TNIP3: variants seen among roughly 807,000 people sequenced by gnomAD.
TNIP3 encodes the protein TNFAIP3 interacting protein 3.
A neutral mutation model predicts 54.1 loss-of-function variants in TNIP3; 34 were observed. The observed-to-expected ratio is 0.63, with a 90% CI of 0.48 to 0.84. The LOEUF (loss-of-function observed/expected upper bound fraction) is 0.84. Among genes scored for constraint, TNIP3 ranks in the 40% least tolerant of loss-of-function variants. The pLI, the probability that TNIP3 is intolerant of heterozygous loss-of-function variation, is 0.00. For missense variants in TNIP3, 366 were observed against 387.6 expected, an observed-to-expected ratio of 0.94 and a Z score of 0.47; for synonymous variants, 134 against 136.8, an observed-to-expected ratio of 0.98 and a Z score of 0.14.
chr4:121,178,506 C>T (rs1166029511), intron 3 of TNIP3, among the ~76,000 whole-genome samples: 1 of 152,194 alleles, frequency 6.6e-6, no homozygotes, highest in African/African-American at 2.4e-5. Flanking sequence ...ATTGAGCACA[C>T]TTGGCACAGT....
At chr4:121,178,414 T>C (rs939731845) in intron 3 of TNIP3, among the ~76,000 whole-genome samples, 3 of 152,202 alleles carry the variant, frequency 2.0e-5, no homozygotes, top group Non-Finnish European at 4.4e-5. Context: ...AAGCTAAAGT[T>C]GGAAAAGAAG....
chr4:121,151,671 A>G (rs918092889), intron 5 of TNIP3, among the ~76,000 whole-genome samples: 2 of 152,094 alleles, frequency 1.3e-5, no homozygotes, highest in Non-Finnish European at 2.9e-5. Context: ...GCAATGGAAT[A>G]TGCTGGTTCC....
chr4:121,189,720 G>C (rs1725201703), intron 2 of TNIP3, among the ~76,000 whole-genome samples: 1 of 152,126 alleles, frequency 6.6e-6, no homozygotes, highest in Admixed American at 6.6e-5. Context: ...TTTTACCCAA[G>C]GCTATGTAAT....
chr4:121,139,348 G>A (rs1728975853), intron 9 of TNIP3, among the ~76,000 whole-genome samples: 1 of 152,126 alleles, frequency 6.6e-6, no homozygotes, highest in Admixed American at 6.6e-5. Flanking sequence ...AAATTGCATT[G>A]AATAAATAGT....
rs1272102462 is a variant in TNIP3 at position 121,197,567 on chromosome 4, C to T, written c.69-14771G>A. Among the ~76,000 whole-genome samples, 3 of 150,028 alleles carry T rather than the reference C, an allele frequency of 2.0e-5. No individual in the cohort carries two copies. In the East Asian group the frequency reaches 5.8e-4, roughly 29 times the overall value. On this transcript the variant is annotated intron_variant, in intron 2 of 12. Transcript: ENST00000507879. ...AAAAAAAAGAACACCTAAGTTCAAG[C>T]TAAAATACACATTTGAAGTATTTAA...
chr4:121,152,610 T>C (rs987820016), intron 5 of TNIP3, among the ~76,000 whole-genome samples: 2 of 152,172 alleles, frequency 1.3e-5, no homozygotes, highest in Non-Finnish European at 2.9e-5. Flanking sequence ...CTGAGCAAAG[T>C]CCTGTTCTAA....
chr4:121,167,041 C>G (rs1022486274), upstream of TNIP3, among the ~76,000 whole-genome samples: 9 of 152,038 alleles, frequency 5.9e-5, no homozygotes, highest in Non-Finnish European at 1.3e-4. Context: ...GGGTTGCTAT[C>G]TGAGCTTATA....
chr4:121,185,799 C>A (rs769505568), intron 2 of TNIP3, among the ~76,000 whole-genome samples: 2 of 152,216 alleles, frequency 1.3e-5, no homozygotes, highest in Non-Finnish European at 2.9e-5. Context: ...GCCCTCATGG[C>A]TGCCTTGTTC....
chr4:121,154,693 CAAGAAAAGAA>C lies in TNIP3; in HGVS notation c.364-24_364-15del. The C allele has an allele frequency of 6.3e-7, 1 of 1,589,116 alleles. No homozygotes were observed. Among genetic ancestry groups the C allele is most frequent in the Non-Finnish European group, 8.5e-7 (1 of 1,170,730 alleles). On this transcript the variant is annotated splice_polypyrimidine_tract_variant and intron_variant, in intron 4 of 10. Transcript: ENST00000057513. ...TTCCTTTTCCTTCTGAAGTTAAGAC[CAAGAAAAGAA>C]AATAAAAGTCAGTACAAGTCAAATG...
upstream of TNIP3, among the ~76,000 whole-genome samples, chr4:121,220,531 G>T (rs142481362): frequency 2.2e-3 from 336 of 151,860 alleles, no homozygotes; most frequent in Non-Finnish European, 4.1e-3. Flanking sequence ...ATTCAAATTT[G>T]GTAACTTAAC....
chr4:121,219,594 A>G (rs1332408899), upstream of TNIP3, among the ~76,000 whole-genome samples: 1 of 152,198 alleles, frequency 6.6e-6, no homozygotes, highest in Admixed American at 6.5e-5. Context: ...ACAGCTTTTA[A>G]TATACTTGGA....
chr4:121,191,983 T>G (rs900702394), intron 2 of TNIP3, among the ~76,000 whole-genome samples: 5 of 152,236 alleles, frequency 3.3e-5, no homozygotes, highest in Non-Finnish European at 7.3e-5. Flanking sequence ...ATACCATATA[T>G]TTAAGAGCTG....
intron 2 of TNIP3, among the ~76,000 whole-genome samples, chr4:121,215,966 C>T (rs13104875): frequency 0.33 from 49,466 of 151,320 alleles, 10,152 homozygotes; most frequent in African/African-American, 0.59. Context: ...ATGTGGAAAG[C>T]GCCTAAGTAA....
At chr4:121,170,128 C>G (rs917562150) in intron 3 of TNIP3, among the ~76,000 whole-genome samples, 2 of 152,190 alleles carry the variant, frequency 1.3e-5, no homozygotes, top group Non-Finnish European at 2.9e-5. Flanking sequence ...TTTATGATCT[C>G]ATGGTGCTTT....
chr4:121,142,720 A>G lies in TNIP3; in HGVS notation c.786+6T>C. ...AAATGTATGCGTGAAAATTAGATCAACATACCTGTTTTAATTGCTTTTCTA... is the reference window on the plus strand; with the variant it reads ...AAATGTATGCGTGAAAATTAGATCAGCATACCTGTTTTAATTGCTTTTCTA... On this transcript the variant is annotated splice_donor_region_variant and intron_variant, in intron 8 of 10. Transcript: ENST00000057513. 2 of 1,608,826 alleles carry G rather than the reference A, an allele frequency of 1.2e-6. No individual in the cohort carries two copies. The highest frequency in any genetic ancestry group is 1.7e-6 in the Non-Finnish European group (2 of 1,175,488).
chr4:121,134,391 T>C (rs1305595052), intron 10 of TNIP3, among the ~76,000 whole-genome samples: 1 of 152,232 alleles, frequency 6.6e-6, no homozygotes, highest in Non-Finnish European at 1.5e-5. Flanking sequence ...GACATAATTG[T>C]TCTATAAACA....
intron 2 of TNIP3, among the ~76,000 whole-genome samples, chr4:121,208,649 A>G (rs1726313766): frequency 6.6e-6 from 1 of 152,190 alleles, no homozygotes; most frequent in South Asian, 2.1e-4. Context: ...TGTCTTGATA[A>G]GTTGGCTTTG....
At chr4:121,148,865 A>T (rs1319596214) in intron 6 of TNIP3, among the ~76,000 whole-genome samples, 2 of 152,200 alleles carry the variant, frequency 1.3e-5, no homozygotes, top group Non-Finnish European at 2.9e-5. Flanking sequence ...CCAGTCAGTA[A>T]ATCATACCCA....
In TNIP3 at chr4:121,138,611, G is replaced by A. The variant is rs1728927229; in HGVS notation, c.946+13C>T. On this transcript the variant is annotated intron_variant, in intron 10 of 10. Transcript: ENST00000057513. ...TAAACATGAAAGAATGCTCAATACA[G>A]CTGTGGTCTCACCATTTGCCTTGTG... The A allele has an allele frequency of 6.2e-7, 1 of 1,611,958 alleles. No homozygotes were observed. The highest frequency in any genetic ancestry group is 1.3e-5 in the African/African-American group (1 of 74,982).
Sources: allele counts gnomAD v4.1 joint callset (sites outside exome capture counted in the v4.1 genomes callset), GRCh38; gene constraint gnomAD v4.1.1; transcripts MANE v1.5; gene names NCBI Gene and HGNC (gene_info 2026-07-23, HGNC 2026-07-21).